GFOD1: variants seen among roughly 807,000 people sequenced by gnomAD.
GFOD1 encodes glucose-fructose oxidoreductase domain-containing protein 1.
GFOD1 carries 9 observed loss-of-function variants against 25.4 expected under a neutral mutation model. That is an observed-to-expected ratio of 0.35 (90% CI 0.21 to 0.62). The LOEUF is 0.62. Among genes scored for constraint, GFOD1 ranks in the 20% least tolerant of loss-of-function variants. GFOD1 has a pLI of 0.72. For synonymous variants in GFOD1, 253 were observed against 245.6 expected (o/e 1.03, Z -0.28); for missense variants, 403 against 556.9 (o/e 0.72, Z 2.78).
At chr6:13,478,731 T>A (rs1246161807) in intron 1 of GFOD1, among the ~76,000 whole-genome samples, 3 of 152,198 alleles carry the variant, frequency 2.0e-5, no homozygotes, top group African/African-American at 7.2e-5. Context: ...GTGTGGACAA[T>A]CTTTCACCCA....
At position 13,400,552 on chromosome 6, in the gene GFOD1, T is replaced by G. The variant is rs143439352; in HGVS notation, c.254-34890A>C. On this transcript the variant is annotated intron_variant, in intron 1 of 1. Coordinates refer to ENST00000379287, the MANE Select transcript of GFOD1 (RefSeq NM_018988.4). ...AACCTCCGTTTCGAGTTTATCCTTT[T>G]TGAACAATTTAATTTAGGAGTAATT... Among the ~76,000 whole-genome samples the G allele has an allele frequency of 4.9e-4, 75 of 152,386 alleles. 1 individual carries two copies. In the East Asian group the frequency reaches 0.014, roughly 28 times the overall value.
intron 1 of GFOD1, among the ~76,000 whole-genome samples, chr6:13,366,115 T>C (rs1048532476): frequency 5.3e-5 from 8 of 151,766 alleles, no homozygotes; most frequent in Non-Finnish European, 5.9e-5. Context: ...ATAATGAAAA[T>C]AAAAAAGATA....
In GFOD1 at chr6:13,408,170, T is replaced by A. The variant is rs476138; in HGVS notation, c.254-42508A>T. On this transcript the variant is annotated intron_variant, in intron 1 of 1. Coordinates refer to ENST00000379287, the MANE Select transcript of GFOD1 (RefSeq NM_018988.4). ...TCTCTCTCCAGCTCAGGCAATAGCC[T>A]CTGCCTGATCAGAACACAATTGAAT... 9.8e-5 allele frequency: 79 copies of A among 803,582 alleles called. 1 individual carries two copies. In the East Asian group the frequency reaches 1.4e-3, roughly 14 times the overall value. 49.8% of individuals were successfully genotyped at this position (803,582 alleles called of 1,614,324 possible). A position where few individuals can be genotyped will look rare whatever the true frequency, so the allele number is the denominator to read the frequency against.
intron 1 of GFOD1, among the ~76,000 whole-genome samples, chr6:13,389,843 T>C (rs1191628184): frequency 3.9e-5 from 6 of 152,196 alleles, no homozygotes; most frequent in Admixed American, 3.9e-4. Flanking sequence ...ACACCCCTTC[T>C]GTTTAGAACT....
intron 1 of GFOD1, among the ~76,000 whole-genome samples, chr6:13,413,646 C>A (rs995002481): frequency 3.3e-5 from 5 of 152,140 alleles, no homozygotes; most frequent in African/African-American, 1.2e-4. Flanking sequence ...AAAAAAGCAC[C>A]ACTCTGAAGC....
chr6:13,466,876 AAAAC>A (rs1253705015), intron 1 of GFOD1, among the ~76,000 whole-genome samples: 3 of 152,154 alleles, frequency 2.0e-5, no homozygotes, highest in Non-Finnish European at 4.4e-5. Context: ...AGAGGGGAAA[AAAAC>A]AAGGCATGAC....
At chr6:13,447,029 C>T (rs562216567) in intron 1 of GFOD1, among the ~76,000 whole-genome samples, 11 of 152,332 alleles carry the variant, frequency 7.2e-5, no homozygotes, top group Admixed American at 2.6e-4. Context: ...TTAAAATAAA[C>T]AATCCGCTGA....
At chr6:13,478,670 G>C (rs1252648883) in intron 1 of GFOD1, among the ~76,000 whole-genome samples, 1 of 152,186 alleles carries the variant, frequency 6.6e-6, no homozygotes, top group Non-Finnish European at 1.5e-5. Context: ...GCGGGGGCAG[G>C]GCTGCACCTT....
intron 1 of GFOD1, among the ~76,000 whole-genome samples, chr6:13,366,644 T>C (rs2127554837): frequency 6.6e-6 from 1 of 151,962 alleles, no homozygotes; most frequent in Non-Finnish European, 1.5e-5. Flanking sequence ...ATTTTTTTTT[T>C]TTAAAAGAGA....
chr6:13,429,026 TCAGA>T (rs1480006606), intron 1 of GFOD1, among the ~76,000 whole-genome samples: 1 of 152,162 alleles, frequency 6.6e-6, no homozygotes, highest in Non-Finnish European at 1.5e-5. Context: ...TGCTAGATGC[TCAGA>T]CAGGACTCTA....
At chr6:13,381,991 T>C (rs1785375304) in intron 1 of GFOD1, among the ~76,000 whole-genome samples, 2 of 150,752 alleles carry the variant, frequency 1.3e-5, no homozygotes, top group South Asian at 2.1e-4. Context: ...ACCAAGTACC[T>C]GCGAAGTGCT....
chr6:13,379,898 T>C (rs4452644), intron 1 of GFOD1, among the ~76,000 whole-genome samples: 8,566 of 152,168 alleles, frequency 0.056, 790 homozygotes, highest in African/African-American at 0.19. Flanking sequence ...GGGACGTGGA[T>C]TGAAATTCTC....
chr6:13,449,287 T>A (rs1758056003), intron 1 of GFOD1, among the ~76,000 whole-genome samples: 2 of 152,084 alleles, frequency 1.3e-5, no homozygotes, highest in African/African-American at 4.8e-5. Flanking sequence ...GGAGACCCTA[T>A]CTCAAAGAAA....
intron 1 of GFOD1, among the ~76,000 whole-genome samples, chr6:13,439,383 G>A (rs372549331): frequency 2.0e-5 from 3 of 152,338 alleles, no homozygotes; most frequent in East Asian, 1.9e-4. Context: ...CATAGGCTTA[G>A]AGTATCTGAC....
At chr6:13,420,502 A>G (rs1584641281) in intron 1 of GFOD1, among the ~76,000 whole-genome samples, 1 of 152,208 alleles carries the variant, frequency 6.6e-6, no homozygotes, top group Admixed American at 6.5e-5. Context: ...AGAGAAAAGC[A>G]GGGGAAAGAG....
chr6:13,461,880 C>A (rs940430608), intron 1 of GFOD1, among the ~76,000 whole-genome samples: 7 of 152,222 alleles, frequency 4.6e-5, no homozygotes, highest in Admixed American at 2.0e-4. Flanking sequence ...AAGAACGCCA[C>A]TTGCACCCTG....
intron 1 of GFOD1, among the ~76,000 whole-genome samples, chr6:13,475,084 C>T (rs992273837): frequency 2.6e-5 from 4 of 152,154 alleles, no homozygotes; most frequent in Admixed American, 6.5e-5. Flanking sequence ...AAAACCAATG[C>T]TTACAAATCA....
At chr6:13,369,334 C>G (rs781489505) in intron 1 of GFOD1, among the ~76,000 whole-genome samples, 1 of 152,218 alleles carries the variant, frequency 6.6e-6, no homozygotes, top group Non-Finnish European at 1.5e-5. Context: ...ATCCAATATG[C>G]AAGCATGGCT....
intron 1 of GFOD1, among the ~76,000 whole-genome samples, chr6:13,397,443 C>T (rs1584627459): frequency 6.6e-6 from 1 of 152,254 alleles, no homozygotes; most frequent in South Asian, 2.1e-4. Context: ...AAGTGATCTG[C>T]ATCTTCACTT....
Sources: gnomAD v4.1 joint callset for allele counts (sites outside exome capture counted in the v4.1 genomes callset) on GRCh38, gnomAD v4.1.1 for gene constraint, MANE v1.5 for transcripts, NCBI Gene and HGNC (gene_info 2026-07-23, HGNC 2026-07-21) for gene names.